NREP: variants seen among roughly 807,000 people sequenced by gnomAD.
The protein encoded by NREP is neuronal regeneration-related protein.
In NREP, 5 loss-of-function variants were observed where a neutral mutation model predicts 8.6. The ratio of observed to expected loss-of-function variants is 0.58; its 90% CI spans 0.30 to 1.22. The LOEUF (loss-of-function observed/expected upper bound fraction) is 1.22. Among genes scored for constraint, NREP ranks in the 50% most tolerant of loss-of-function variants. NREP has a pLI of 0.07. For synonymous variants in NREP, 27 were observed against 28.0 expected (o/e 0.96, Z 0.11); for missense variants, 86 against 82.5 (o/e 1.04, Z -0.17).
intron 2 of NREP, among the ~76,000 whole-genome samples, chr5:111,890,861 G>T (rs1208317744): frequency 1.3e-5 from 2 of 152,218 alleles, no homozygotes; most frequent in Non-Finnish European, 2.9e-5. Context: ...GAGAGGGGCT[G>T]CCACAAAAGC....
intron 2 of NREP, among the ~76,000 whole-genome samples, chr5:111,897,483 C>T (rs190555370): frequency 4.1e-4 from 63 of 152,242 alleles, no homozygotes; most frequent in African/African-American, 1.3e-3. Context: ...ATATAATATA[C>T]TTTTCCCACA....
chr5:111,835,896 G>C (rs888815589), intron 2 of NREP, among the ~76,000 whole-genome samples: 2 of 152,042 alleles, frequency 1.3e-5, no homozygotes, highest in Admixed American at 1.3e-4. Context: ...CTGAAAATGG[G>C]TCCCTTCTTC....
intron 2 of NREP, among the ~76,000 whole-genome samples, chr5:111,945,721 T>C (rs1755959414): frequency 6.6e-6 from 1 of 151,872 alleles, no homozygotes; most frequent in African/African-American, 2.4e-5. Flanking sequence ...TCCAGGGTCT[T>C]ACATGATATC....
intron 2 of NREP, among the ~76,000 whole-genome samples, chr5:111,752,565 G>A (rs1750429826): frequency 6.6e-6 from 1 of 152,176 alleles, no homozygotes. Context: ...TATGTTAATG[G>A]AGAGATTATT....
intron 2 of NREP, among the ~76,000 whole-genome samples, chr5:111,940,678 C>T (rs962338742): frequency 4.6e-5 from 7 of 151,962 alleles, no homozygotes; most frequent in Non-Finnish European, 1.0e-4. Context: ...TGACCTCATG[C>T]AAACATTAGG....
chr5:111,838,381 T>G (rs1752946271), intron 2 of NREP, among the ~76,000 whole-genome samples: 1 of 152,178 alleles, frequency 6.6e-6, no homozygotes, highest in South Asian at 2.1e-4. Flanking sequence ...GTTAGTTTTA[T>G]GTGTCAACTT....
intron 2 of NREP, among the ~76,000 whole-genome samples, chr5:111,946,825 C>T (rs1416476629): frequency 6.6e-6 from 1 of 152,058 alleles, no homozygotes; most frequent in Non-Finnish European, 1.5e-5. Flanking sequence ...TATAATGTTA[C>T]TGTTACAAGA....
chr5:111,833,072 T>C (rs1321718153), intron 2 of NREP, among the ~76,000 whole-genome samples: 2 of 152,192 alleles, frequency 1.3e-5, no homozygotes, highest in African/African-American at 4.8e-5. Context: ...AAGTCAGAAA[T>C]GGACTTGCTT....
chr5:111,801,399 G>C (rs963127867), intron 2 of NREP, among the ~76,000 whole-genome samples: 1 of 152,112 alleles, frequency 6.6e-6, no homozygotes, highest in Non-Finnish European at 1.5e-5. Flanking sequence ...GGCAACCAAG[G>C]AATCATATTA....
intron 2 of NREP, among the ~76,000 whole-genome samples, chr5:111,944,525 C>A (rs1755923229): frequency 6.6e-6 from 1 of 152,088 alleles, no homozygotes; most frequent in Non-Finnish European, 1.5e-5. Context: ...CCAAGGTGGT[C>A]TTGAACTCCT....
chr5:111,936,936 G>C (rs138170775), intron 2 of NREP, among the ~76,000 whole-genome samples: 6 of 152,134 alleles, frequency 3.9e-5, no homozygotes, highest in African/African-American at 7.2e-5. Context: ...AAGTGTTTTT[G>C]ACTCTGTGTC....
At chr5:111,856,515 G>T (rs1321297103) in intron 2 of NREP, among the ~76,000 whole-genome samples, 1 of 152,046 alleles carries the variant, frequency 6.6e-6, no homozygotes, top group Non-Finnish European at 1.5e-5. Context: ...CAGTATGATG[G>T]GAGATTAAGA....
intron 2 of NREP, among the ~76,000 whole-genome samples, chr5:111,780,043 T>C (rs1250409701): frequency 2.0e-5 from 3 of 152,198 alleles, no homozygotes; most frequent in African/African-American, 4.8e-5. Flanking sequence ...GCTAGTGCAA[T>C]GCAGAGGGGG....
intron 2 of NREP, among the ~76,000 whole-genome samples, chr5:111,828,252 A>G (rs1752675040): frequency 6.6e-6 from 1 of 151,860 alleles, no homozygotes; most frequent in Non-Finnish European, 1.5e-5. Context: ...CTAGTTGCGA[A>G]CTCTCAACCT....
intron 2 of NREP, among the ~76,000 whole-genome samples, chr5:111,851,996 TA>T (rs1284772740): frequency 3.9e-5 from 6 of 152,308 alleles, no homozygotes; most frequent in South Asian, 2.1e-4. Context: ...TGTTGAAACT[TA>T]CCCCCCATTG....
At chr5:111,783,456 C>T (rs935369335) in intron 2 of NREP, among the ~76,000 whole-genome samples, 1 of 152,186 alleles carries the variant, frequency 6.6e-6, no homozygotes, top group African/African-American at 2.4e-5. Context: ...CCCAGGTGGA[C>T]TGCAACGAAA....
At chr5:111,803,793 G>A (rs1172824782) in intron 2 of NREP, among the ~76,000 whole-genome samples, 2 of 151,912 alleles carry the variant, frequency 1.3e-5, no homozygotes, top group Non-Finnish European at 2.9e-5. Flanking sequence ...TTTGAATGTG[G>A]GAGATAAAAA....
At chr5:111,967,347 T>C (rs182234649) in intron 2 of NREP, among the ~76,000 whole-genome samples, 1 of 152,322 alleles carries the variant, frequency 6.6e-6, no homozygotes, top group East Asian at 1.9e-4. Context: ...AACTCCTTTC[T>C]AGTTTATTGC....
chr5:111,803,560 A>G (rs916444401), intron 2 of NREP, among the ~76,000 whole-genome samples: 27 of 152,196 alleles, frequency 1.8e-4, no homozygotes, highest in African/African-American at 6.0e-4. Context: ...GGAGAACAAT[A>G]AAAGCTTATC....
Sources: gnomAD v4.1 joint callset for allele counts (sites outside exome capture counted in the v4.1 genomes callset) on GRCh38, gnomAD v4.1.1 for gene constraint, MANE v1.5 for transcripts, NCBI Gene and HGNC (gene_info 2026-07-23, HGNC 2026-07-21) for gene names.